Variants in C8A observed in about 807,000 individuals in gnomAD.
C8A encodes the protein complement C8 alpha chain.
A neutral mutation model predicts 65.3 loss-of-function variants in C8A; 67 were observed. The ratio of observed to expected loss-of-function variants is 1.03; its 90% confidence interval spans 0.84 to 1.26. The LOEUF (loss-of-function observed/expected upper bound fraction) is 1.26. C8A is among the 50% of genes most tolerant of loss of function. C8A has a pLI of 0.00. For missense variants in C8A, 781 were observed against 723.9 expected (o/e 1.08, Z -0.90); for synonymous variants, 290 against 259.4 (o/e 1.12, Z -1.13).
At chr1:56,876,256 T>G (rs764580004) in intron 4 of C8A, 47 bp downstream of exon 4, 47 of 1,611,022 alleles carry the variant, frequency 2.9e-5, no homozygotes, top group Non-Finnish European at 3.7e-5. Flanking sequence ...ATGATTTGTC[T>G]TCAATCGTGA....
chr1:56,908,457 CT>C (rs1211592358), intron 9 of C8A, among the ~76,000 whole-genome samples: 1 of 152,178 alleles, frequency 6.6e-6, no homozygotes, highest in Non-Finnish European at 1.5e-5. Context: ...GGGTGGCAAA[CT>C]TTTTCTGTAA....
intron 1 of C8A, among the ~76,000 whole-genome samples, chr1:56,863,062 T>C (rs1188458800): frequency 6.6e-6 from 1 of 152,172 alleles, no homozygotes; most frequent in Non-Finnish European, 1.5e-5. Flanking sequence ...TTCTGCTCTA[T>C]TATTAAGTGG....
intron 7 of C8A, among the ~76,000 whole-genome samples, chr1:56,899,959 G>A (rs1557712053): frequency 6.6e-6 from 1 of 152,200 alleles, no homozygotes; most frequent in African/African-American, 2.4e-5. Context: ...AGCTCAGGTA[G>A]TCTCTGTTTC....
At position 56,854,885 on chromosome 1, in the gene C8A, G is replaced by A. The variant is rs552319150; in HGVS notation, c.-17G>A. On this transcript the variant is annotated 5_prime_UTR_variant, in exon 1 of 11. Coordinates refer to ENST00000361249, the MANE Select transcript of C8A (RefSeq NM_000562.3). ...TTATTCCTTCAAGGTAATATAGTGC[G>A]GTGGCTTCTGGCTGAGATGTTTGCT... The A allele has an allele frequency of 5.9e-5, 95 of 1,610,434 alleles. 1 individual carries two copies. The highest frequency in any genetic ancestry group is 9.9e-5 in the South Asian group (9 of 90,526).
intron 1 of C8A, among the ~76,000 whole-genome samples, chr1:56,863,598 A>T (rs1644055031): frequency 6.6e-6 from 1 of 152,098 alleles, no homozygotes; most frequent in African/African-American, 2.4e-5. Flanking sequence ...CTGTTCTCAA[A>T]CCTTCTCCCT....
intron 7 of C8A, among the ~76,000 whole-genome samples, chr1:56,890,183 C>G (rs1019456580): frequency 2.0e-5 from 3 of 152,148 alleles, no homozygotes; most frequent in Non-Finnish European, 4.4e-5. Flanking sequence ...CTCCTTTGCA[C>G]ATGCTGTTCT....
intron 8 of C8A, among the ~76,000 whole-genome samples, chr1:56,907,121 G>A (rs1196727720): frequency 5.9e-5 from 9 of 152,062 alleles, no homozygotes; most frequent in African/African-American, 2.2e-4. Flanking sequence ...CAGTTCAGAG[G>A]GAGGAAATAA....
chr1:56,917,734 C>G lies in C8A; in HGVS notation c.*18C>G. 3 of 1,613,642 alleles carry G rather than the reference C, an allele frequency of 1.9e-6. No homozygotes were observed. The highest frequency in any genetic ancestry group is 2.5e-6 in the Non-Finnish European group (3 of 1,179,920). On this transcript the variant is annotated 3_prime_UTR_variant, in exon 11 of 11. Coordinates refer to ENST00000361249, the MANE Select transcript of C8A (RefSeq NM_000562.3). ...CTTGCTGAGGGCCTCTGGACACAGGCTGGACCAGATGCTGTGGATGTCGAC... is the reference window on the plus strand; with the variant it reads ...CTTGCTGAGGGCCTCTGGACACAGGGTGGACCAGATGCTGTGGATGTCGAC...
chr1:56,867,908 G>T (rs571289854), intron 2 of C8A, among the ~76,000 whole-genome samples: 1 of 152,276 alleles, frequency 6.6e-6, no homozygotes, highest in South Asian at 2.1e-4. Context: ...GAGTGAGGCT[G>T]CAAAAGATGT....
At chr1:56,896,588 G>A (rs1644389031) in intron 7 of C8A, among the ~76,000 whole-genome samples, 1 of 152,130 alleles carries the variant, frequency 6.6e-6, no homozygotes, top group South Asian at 2.1e-4. Context: ...ATTAGAAAGG[G>A]CAGTTTACTT....
chr1:56,909,552 C>A (rs1035957069), intron 9 of C8A, among the ~76,000 whole-genome samples: 1 of 152,176 alleles, frequency 6.6e-6, no homozygotes, highest in East Asian at 1.9e-4. Context: ...AATACATAAA[C>A]TTTCATAGGC....
chr1:56,886,220 A>T lies in C8A; in HGVS notation c.1096+53A>T, dbSNP rs972814987. 1.2e-5 allele frequency: 19 copies of T among 1,609,822 alleles called. No individual in the cohort carries two copies. The Admixed American group carries it at 2.2e-4, about 18-fold the overall frequency. On this transcript the variant is annotated intron_variant, in intron 7 of 10. Coordinates refer to ENST00000361249, the MANE Select transcript of C8A (RefSeq NM_000562.3). ...CAGTAGTCAACACAGACACCAGGTCATGGTTTGAAGTTTTCTAAGCACTGA... is the reference window on the plus strand; with the variant it reads ...CAGTAGTCAACACAGACACCAGGTCTTGGTTTGAAGTTTTCTAAGCACTGA...
chr1:56,885,801 C>T, intron 6 of C8A, 126 bp from the exon 7 acceptor site: 1 of 1,289,454 alleles, frequency 7.8e-7, no homozygotes. Flanking sequence ...CCTCCAGCTT[C>T]TGCCTCCCAA....
At chr1:56,879,003 A>G (rs1309120219) in intron 4 of C8A, among the ~76,000 whole-genome samples, 1 of 152,202 alleles carries the variant, frequency 6.6e-6, no homozygotes, top group Non-Finnish European at 1.5e-5. Context: ...TAAGCAGCAT[A>G]TTCTTCTATA....
intron 4 of C8A, 58 bp from the exon 5 acceptor site, chr1:56,881,387 A>G: frequency 6.4e-7 from 1 of 1,555,082 alleles, no homozygotes; most frequent in South Asian, 1.1e-5. Flanking sequence ...TCATCCCATC[A>G]CCCAGGTATA....
At position 56,908,037 on chromosome 1, in the gene C8A, C is replaced by G; in HGVS notation, c.1304C>G (p.Ala435Gly). 1 of 1,614,068 alleles carries G rather than the reference C, an allele frequency of 6.2e-7. No individual in the cohort carries two copies. Among genetic ancestry groups the G allele is most frequent in the Non-Finnish European group, 8.5e-7 (1 of 1,179,984 alleles). Residue 435 changes from alanine to glycine, a missense_variant, in exon 9 of 11, where the codon GCA becomes GGA. Transcript: ENST00000361249. ...GGSSGWSGGL[A>G]QNRSTITYRS... The stretch of plus-strand genomic sequence containing the variant: ...AGTTCTGGCTGGAGCGGTGGCTTGG[C>G]ACAGAACAGGAGCACCATTACATAC...
At chr1:56,910,224 C>T (rs1644495236) in intron 9 of C8A, among the ~76,000 whole-genome samples, 1 of 152,122 alleles carries the variant, frequency 6.6e-6, no homozygotes, top group Non-Finnish European at 1.5e-5. Flanking sequence ...TGTAGGAGTC[C>T]TGCTATGTTA....
chr1:56,906,805 T>A lies in C8A; in HGVS notation c.1222+13T>A. 1 of 1,614,012 alleles carries A rather than the reference T, an allele frequency of 6.2e-7. No homozygotes were observed. On this transcript the variant is annotated intron_variant, in intron 8 of 10. Transcript: ENST00000361249. ...GGTGGCAAAACTGGCAAGTGTTTAGTAATAGATCTCCCAAAAAGAGAAGCC... is the reference window on the plus strand; with the variant it reads ...GGTGGCAAAACTGGCAAGTGTTTAGAAATAGATCTCCCAAAAAGAGAAGCC...
At chr1:56,859,306 C>A (rs1386902564) in intron 1 of C8A, among the ~76,000 whole-genome samples, 1 of 152,242 alleles carries the variant, frequency 6.6e-6, no homozygotes, top group African/African-American at 2.4e-5. Context: ...ATTCAAGGTA[C>A]TGTGCTAAGC....
Sources: allele counts gnomAD v4.1 joint callset (sites outside exome capture counted in the v4.1 genomes callset), GRCh38; gene constraint gnomAD v4.1.1; transcripts MANE v1.5; gene names NCBI Gene and HGNC (gene_info 2026-07-23, HGNC 2026-07-21).